CNTNAP5: variants seen among roughly 807,000 people sequenced by gnomAD.
CNTNAP5 encodes the protein contactin-associated protein-like 5.
Under a neutral mutation model 150.2 loss-of-function variants are expected in CNTNAP5, and 72 were observed. The ratio of observed to expected loss-of-function variants is 0.48; its 90% CI spans 0.40 to 0.58. The LOEUF (loss-of-function observed/expected upper bound fraction) is 0.58, where lower values mean the gene tolerates loss of function less well. CNTNAP5 is among the 20% of genes least tolerant of loss of function. The probability of loss-of-function intolerance (pLI) is 0.00; values close to 1 mark genes in which losing one functional copy is unlikely to be tolerated. For synonymous variants in CNTNAP5, 672 were observed against 619.8 expected (o/e 1.08, Z -1.25); for missense variants, 1,636 against 1,626.2 (o/e 1.01, Z -0.10).
chr2:124,343,839 G>A (rs1039803501), intron 3 of CNTNAP5, among the ~76,000 whole-genome samples: 1 of 152,164 alleles, frequency 6.6e-6, no homozygotes, highest in African/African-American at 2.4e-5. Context: ...TCTGCAGGCT[G>A]GGAAGTTTAG....
chr2:124,690,562 T>C (rs1266676266), intron 13 of CNTNAP5, among the ~76,000 whole-genome samples: 1 of 152,120 alleles, frequency 6.6e-6, no homozygotes, highest in Non-Finnish European at 1.5e-5. Context: ...GATAGACATC[T>C]GCCCAAGTCA....
chr2:124,194,649 C>T (rs1284313062), intron 1 of CNTNAP5, among the ~76,000 whole-genome samples: 2 of 150,280 alleles, frequency 1.3e-5, no homozygotes, highest in Non-Finnish European at 3.0e-5. Flanking sequence ...AATTTTCTTA[C>T]CTTAGGTTGC....
intron 3 of CNTNAP5, among the ~76,000 whole-genome samples, chr2:124,268,034 T>C (rs1317187378): frequency 3.3e-5 from 5 of 152,186 alleles, no homozygotes; most frequent in African/African-American, 1.2e-4. Context: ...CAATGCTTTC[T>C]GTACAAGCGA....
intron 3 of CNTNAP5, among the ~76,000 whole-genome samples, chr2:124,403,826 C>A (rs1691495751): frequency 6.6e-6 from 1 of 152,092 alleles, no homozygotes; most frequent in South Asian, 2.1e-4. Context: ...GGAGGCCTCA[C>A]AATTATGGAA....
chr2:124,906,225 T>C (rs1451699546), intron 22 of CNTNAP5, among the ~76,000 whole-genome samples: 7 of 152,172 alleles, frequency 4.6e-5, no homozygotes, highest in African/African-American at 1.7e-4. Flanking sequence ...GTGGTTTGTA[T>C]ATGGGTGAGG....
intron 3 of CNTNAP5, among the ~76,000 whole-genome samples, chr2:124,322,824 G>A (rs1282622181): frequency 6.6e-6 from 1 of 152,132 alleles, no homozygotes; most frequent in Non-Finnish European, 1.5e-5. Flanking sequence ...CAGAACTACT[G>A]TCTACTTGCA....
chr2:124,815,399 A>G (rs1001825224), intron 19 of CNTNAP5, among the ~76,000 whole-genome samples: 2 of 152,192 alleles, frequency 1.3e-5, no homozygotes, highest in Non-Finnish European at 2.9e-5. Flanking sequence ...TGGAGTCTGG[A>G]ATATCATTTT....
intron 19 of CNTNAP5, among the ~76,000 whole-genome samples, chr2:124,832,919 C>T (rs11887678): frequency 0.25 from 35,282 of 142,808 alleles, 6,228 homozygotes; most frequent in African/African-American, 0.51. Flanking sequence ...TTTTCTTTTC[C>T]TTTTTTTTTT....
rs1035802414 is a variant in CNTNAP5 at position 124,918,383 on chromosome 2, T to TA, written c.*4102dup. On this transcript the variant is annotated 3_prime_UTR_variant, in exon 24 of 24. Coordinates refer to ENST00000682447, the MANE Select transcript of CNTNAP5 (RefSeq NM_001367498.1). ...GTCTACCCTTCCATCAGTAATTGAC[T>TA]AAAAAAATGTTGTCCATTTATGTGA... 2.0e-5 allele frequency among the ~76,000 whole-genome samples: 3 copies of TA among 152,020 alleles called. No homozygotes were observed. The highest frequency in any genetic ancestry group is 7.2e-5 in the African/African-American group (3 of 41,420).
chr2:124,890,450 G>T (rs947887973), intron 21 of CNTNAP5, among the ~76,000 whole-genome samples: 1 of 152,076 alleles, frequency 6.6e-6, no homozygotes, highest in Non-Finnish European at 1.5e-5. Context: ...TCCAGTGCTG[G>T]TTGGTTCCCT....
intron 21 of CNTNAP5, among the ~76,000 whole-genome samples, chr2:124,873,526 C>T (rs1381255581): frequency 4.6e-5 from 7 of 152,060 alleles, no homozygotes; most frequent in Non-Finnish European, 1.0e-4. Flanking sequence ...CAACACTTAA[C>T]CTTAACACTC....
intron 19 of CNTNAP5, among the ~76,000 whole-genome samples, chr2:124,864,177 T>C (rs552845548): frequency 1.3e-5 from 2 of 152,304 alleles, no homozygotes; most frequent in Non-Finnish European, 2.9e-5. Context: ...TATTACCCCA[T>C]GGCAATTTTT....
At position 124,240,082 on chromosome 2, in the gene CNTNAP5, T is replaced by C. The variant is rs183219155; in HGVS notation, c.188-2118T>C. ...ATCCTGGGTGCCAAATTTTCCAAAC[T>C]TGCTGGACTTCAGTTTCCTCAACTT... On this transcript the variant is annotated intron_variant, in intron 2 of 23. Transcript: ENST00000682447. 3.5e-3 allele frequency among the ~76,000 whole-genome samples: 534 copies of C among 152,314 alleles called. 11 individuals are homozygous for C. In the South Asian group the frequency reaches 0.046, roughly 13 times the overall value.
intron 19 of CNTNAP5, among the ~76,000 whole-genome samples, chr2:124,851,252 A>G (rs1452657887): frequency 2.0e-5 from 3 of 152,142 alleles, no homozygotes; most frequent in Non-Finnish European, 4.4e-5. Context: ...GCTACTAGGG[A>G]GGCTGAGGCA....
At position 124,517,401 on chromosome 2, in the gene CNTNAP5, G is replaced by C. The variant is rs199682659; in HGVS notation, c.1328-6902G>C. Among the ~76,000 whole-genome samples the C allele has an allele frequency of 1.5e-4, 22 of 151,424 alleles. No individual in the cohort carries two copies. In the East Asian group the frequency reaches 4.3e-3, roughly 30 times the overall value. On this transcript the variant is annotated intron_variant, in intron 8 of 23. Coordinates refer to ENST00000682447, the MANE Select transcript of CNTNAP5 (RefSeq NM_001367498.1). The stretch of plus-strand genomic sequence containing the variant: ...GTTGGTAAAGAGGGGTTGTGTTGTT[G>C]GTGACGGAGGGTTGTGGTGTTGGTG...
intron 1 of CNTNAP5, among the ~76,000 whole-genome samples, chr2:124,188,175 A>G (rs748736963): frequency 2.4e-4 from 36 of 152,156 alleles, no homozygotes; most frequent in Admixed American, 2.0e-4. Context: ...TTCCAGGGTC[A>G]TTGTGCTTAG....
At chr2:124,078,254 T>G (rs1390164650) in intron 1 of CNTNAP5, among the ~76,000 whole-genome samples, 1 of 152,202 alleles carries the variant, frequency 6.6e-6, no homozygotes, top group Non-Finnish European at 1.5e-5. Context: ...AGAAGACTGT[T>G]ATTTTTATTT....
chr2:124,598,497 C>G (rs1192348091), intron 11 of CNTNAP5, among the ~76,000 whole-genome samples: 2 of 141,828 alleles, frequency 1.4e-5, no homozygotes, highest in African/African-American at 5.2e-5. Flanking sequence ...GGCAGTCTGC[C>G]CATTCTCAGA....
intron 1 of CNTNAP5, among the ~76,000 whole-genome samples, chr2:124,158,739 A>G (rs140010821): frequency 2.6e-5 from 4 of 152,292 alleles, no homozygotes; most frequent in African/African-American, 9.6e-5. Flanking sequence ...TCTTGTCCTC[A>G]AAATAGATTG....
Sources: gnomAD v4.1 joint callset for allele counts (sites outside exome capture counted in the v4.1 genomes callset) on GRCh38, gnomAD v4.1.1 for gene constraint, MANE v1.5 for transcripts, NCBI Gene and HGNC (gene_info 2026-07-23, HGNC 2026-07-21) for gene names.